Variants in MKLN1 observed in about 807,000 individuals in gnomAD.
MKLN1 encodes the protein muskelin 1.
A neutral mutation model predicts 99.0 loss-of-function variants in MKLN1; 18 were observed. The ratio of observed to expected loss-of-function variants is 0.18; its 90% confidence interval spans 0.13 to 0.27. The LOEUF is 0.27. MKLN1 is among the 10% of genes least tolerant of loss of function. MKLN1 has a pLI of 1.00. For missense variants in MKLN1, 621 were observed against 875.9 expected (o/e 0.71, Z 3.67); for synonymous variants, 288 against 293.2 (o/e 0.98, Z 0.18).
At chr7:131,391,018 G>A (rs1298207236) in intron 4 of MKLN1, among the ~76,000 whole-genome samples, 1 of 151,590 alleles carries the variant, frequency 6.6e-6, no homozygotes, top group South Asian at 2.1e-4. Flanking sequence ...TGTTAATACC[G>A]GTCAGCAGTG....
At chr7:131,113,759 G>A (rs1795232147) in intron 1 of MKLN1, among the ~76,000 whole-genome samples, 1 of 152,268 alleles carries the variant, frequency 6.6e-6, no homozygotes, top group East Asian at 1.9e-4. Flanking sequence ...CAGAAGCGGA[G>A]GTTGCAATGA....
chr7:131,336,050 A>G (rs1232154498), intron 1 of MKLN1, among the ~76,000 whole-genome samples: 1 of 151,500 alleles, frequency 6.6e-6, no homozygotes, highest in Non-Finnish European at 1.5e-5. Flanking sequence ...TAAGTGTCAA[A>G]TGTGTCTTAC....
chr7:131,327,760 C>A, upstream of MKLN1: 1 of 1,401,540 alleles, frequency 7.1e-7, no homozygotes, highest in Non-Finnish European at 9.3e-7. Flanking sequence ...ATTGGCCCGG[C>A]GCTGGGCTCG....
intron 12 of MKLN1, among the ~76,000 whole-genome samples, chr7:131,460,263 T>C (rs892791080): frequency 4.6e-5 from 7 of 152,224 alleles, no homozygotes; most frequent in Non-Finnish European, 1.0e-4. Context: ...ACACTGTTAA[T>C]TTTTTTCCTC....
At chr7:131,318,272 C>G (rs1265261568) in intron 3 of MKLN1, among the ~76,000 whole-genome samples, 1 of 152,150 alleles carries the variant, frequency 6.6e-6, no homozygotes, top group Non-Finnish European at 1.5e-5. Flanking sequence ...GACCACAGTG[C>G]AATTAAATTA....
chr7:131,255,022 G>T (rs965338269), intron 3 of MKLN1, among the ~76,000 whole-genome samples: 6 of 152,038 alleles, frequency 3.9e-5, no homozygotes, highest in Non-Finnish European at 8.8e-5. Flanking sequence ...CTCCAGAGCT[G>T]GGAATACAGG....
At chr7:131,463,831 C>G (rs1373779814) in intron 13 of MKLN1, among the ~76,000 whole-genome samples, 1 of 152,226 alleles carries the variant, frequency 6.6e-6, no homozygotes, top group East Asian at 1.9e-4. Context: ...CTCTGACATT[C>G]TGTGATTGCT....
chr7:131,402,524 C>G (rs1294541100), intron 6 of MKLN1, among the ~76,000 whole-genome samples: 3 of 152,132 alleles, frequency 2.0e-5, no homozygotes, highest in Non-Finnish European at 4.4e-5. Context: ...ATGGTGAATC[C>G]TTTCCAGAAG....
Position 131,337,587 on chromosome 7 carries a change from CTT to C in MKLN1, c.98+9591_98+9592del, listed in dbSNP as rs753758141. Among the ~76,000 whole-genome samples, 7 of 151,830 alleles carry C rather than the reference CTT, an allele frequency of 4.6e-5. 1 individual carries two copies. The East Asian group carries it at 9.6e-4, about 21-fold the overall frequency. On this transcript the variant is annotated intron_variant, in intron 1 of 17. Transcript: ENST00000352689. ...ATAGATTCTAATTATGTGAAAATCT[CTT>C]GTCATGTATTTTTTGAGCATATTAA...
intron 12 of MKLN1, among the ~76,000 whole-genome samples, chr7:131,456,617 A>G (rs566918935): frequency 6.6e-5 from 10 of 152,298 alleles, no homozygotes; most frequent in East Asian, 5.8e-4. Context: ...TCTGTTCTCA[A>G]TAGTTCATTT....
Position 131,490,326 on chromosome 7 carries a change from A to C in MKLN1, c.*2598A>C, listed in dbSNP as rs1797393583. 6.6e-6 allele frequency: 1 copy of C among 152,580 alleles called. No individual in the cohort carries two copies. The highest frequency in any genetic ancestry group is 1.5e-5 in the Non-Finnish European group (1 of 68,014). The allele number at this position is 152,580 out of a possible 1,614,324, so 9.5% of individuals were successfully genotyped here. On this transcript the variant is annotated 3_prime_UTR_variant, in exon 18 of 18. Transcript: ENST00000352689. ...CTCATTTGTATTATCTCCAGCTTCA[A>C]CCTCATTTATCCTTTTTCCTAGTAT...
chr7:131,389,705 G>A (rs992729959), intron 4 of MKLN1, among the ~76,000 whole-genome samples: 1 of 151,902 alleles, frequency 6.6e-6, no homozygotes. Context: ...CTAACATGGT[G>A]AAACCCCATC....
At chr7:131,366,794 A>G (rs1180334675) in intron 1 of MKLN1, among the ~76,000 whole-genome samples, 2 of 152,230 alleles carry the variant, frequency 1.3e-5, no homozygotes, top group Non-Finnish European at 2.9e-5. Flanking sequence ...CCTGGGCGAC[A>G]GAGTGAAACT....
Position 131,489,038 on chromosome 7 carries a change from A to C in MKLN1, c.*1310A>C, listed in dbSNP as rs139321372. Reference sequence around the variant, plus strand: ...AAGCTGACTGCCACCATGCTAAAGCAGATTCATATTAAGAAGTGTCGGTCG... The same window carrying C: ...AAGCTGACTGCCACCATGCTAAAGCCGATTCATATTAAGAAGTGTCGGTCG... On this transcript the variant is annotated 3_prime_UTR_variant, in exon 18 of 18. Transcript: ENST00000352689. 2.9e-3 allele frequency: 437 copies of C among 152,296 alleles called. 4 individuals carry two copies. Among genetic ancestry groups the C allele is most frequent in the African/African-American group, 9.9e-3 (411 of 41,582 alleles). The allele number at this position is 152,296 out of a possible 1,614,324, so 9.4% of individuals were successfully genotyped here. A position where few individuals can be genotyped will look rare whatever the true frequency, so the allele number is the denominator to read the frequency against.
chr7:131,439,396 A>G (rs1218734749), intron 10 of MKLN1, among the ~76,000 whole-genome samples: 1 of 152,108 alleles, frequency 6.6e-6, no homozygotes, highest in Non-Finnish European at 1.5e-5. Flanking sequence ...ATGTTTCTTG[A>G]AAGCTGGGTG....
intron 1 of MKLN1, among the ~76,000 whole-genome samples, chr7:131,141,527 C>G (rs142090775): frequency 3.7e-4 from 57 of 152,304 alleles, no homozygotes; most frequent in African/African-American, 1.1e-3. Context: ...TGGTGCTGCT[C>G]ACCTTTCCAG....
At chr7:131,167,203 A>C (rs914533543) in intron 2 of MKLN1, among the ~76,000 whole-genome samples, 2 of 152,138 alleles carry the variant, frequency 1.3e-5, no homozygotes, top group Admixed American at 6.6e-5. Context: ...CAAGGGTATG[A>C]TGAGGTTTGC....
intron 3 of MKLN1, among the ~76,000 whole-genome samples, chr7:131,275,567 A>ATATATTTTT (rs1336398554): frequency 3.6e-4 from 2 of 5,616 alleles, no homozygotes; most frequent in Non-Finnish European, 7.9e-4. Context: ...ATATATATAT[A>ATATATTTTT]TTTTTTTTTT....
chr7:131,202,115 T>G (rs10954305), intron 2 of MKLN1, among the ~76,000 whole-genome samples: 125,331 of 146,066 alleles, frequency 0.86, 53,873 homozygotes, highest in East Asian at 1. Flanking sequence ...AATATATCTT[T>G]TTCGGGGTTT....
Sources: allele counts gnomAD v4.1 joint callset (sites outside exome capture counted in the v4.1 genomes callset), GRCh38; gene constraint gnomAD v4.1.1; transcripts MANE v1.5; gene names NCBI Gene and HGNC (gene_info 2026-07-23, HGNC 2026-07-21).